The following SLC35E2B variants were observed in gnomAD, a reference collection of about 807,000 sequenced individuals.
The protein encoded by SLC35E2B is solute carrier family 35 member E2B, also known as solute carrier family 35, member E2B.
In SLC35E2B, 18 loss-of-function variants were observed where a neutral mutation model predicts 32.4. The observed-to-expected ratio is 0.56, with a 90% CI of 0.38 to 0.82. The LOEUF (loss-of-function observed/expected upper bound fraction) is 0.82, where lower values mean the gene tolerates loss of function less well. Among genes scored for constraint, SLC35E2B ranks in the 40% least tolerant of loss-of-function variants. The pLI, the probability that SLC35E2B is intolerant of heterozygous loss-of-function variation, is 0.00. For synonymous variants in SLC35E2B, 132 were observed against 209.1 expected, an observed-to-expected ratio of 0.63 and a Z score of 3.18; for missense variants, 263 against 469.5, an observed-to-expected ratio of 0.56 and a Z score of 4.06.
chr1:1,679,273 AT>A (rs1483118248), intron 2 of SLC35E2B, among the ~76,000 whole-genome samples: 2 of 152,172 alleles, frequency 1.3e-5, no homozygotes, highest in African/African-American at 4.8e-5. Context: ...CAAACCTGGA[AT>A]TCAAAAGGCA....
intron 2 of SLC35E2B, among the ~76,000 whole-genome samples, chr1:1,685,331 T>G (rs940389180): frequency 2.0e-5 from 3 of 149,136 alleles, no homozygotes; most frequent in African/African-American, 7.4e-5. Context: ...GGGGGACTGC[T>G]TGAGTCTGGG....
At chr1:1,675,806 AC>A (rs1283504288) in intron 4 of SLC35E2B, among the ~76,000 whole-genome samples, 1 of 35,660 alleles carries the variant, frequency 2.8e-5, no homozygotes, top group Non-Finnish European at 7.1e-5. Context: ...GACTTCTGCC[AC>A]CCCTTGAAAA....
chr1:1,677,926 T>C (rs766138226), intron 2 of SLC35E2B, among the ~76,000 whole-genome samples: 2 of 151,734 alleles, frequency 1.3e-5, no homozygotes, highest in Non-Finnish European at 2.9e-5. Flanking sequence ...AGCTGGGGCT[T>C]TGCACAGACG....
At chr1:1,674,952 G>C (rs1206250065) in intron 5 of SLC35E2B, among the ~76,000 whole-genome samples, 1 of 152,098 alleles carries the variant, frequency 6.6e-6, no homozygotes, top group Non-Finnish European at 1.5e-5. Context: ...GCTGGAAATC[G>C]CCTGTGAGTC....
chr1:1,665,199 T>C lies in SLC35E2B; in HGVS notation c.*583A>G, dbSNP rs541983630. On this transcript the variant is annotated 3_prime_UTR_variant, in exon 10 of 10. Coordinates refer to ENST00000617444, the MANE Select transcript of SLC35E2B (RefSeq NM_001290264.2). ...CAATGCTGCAGCTTGAGGCTTGCGA[T>C]GCCTCTGGGATAGTCTGAGGATGCC... is the stretch of plus-strand genomic sequence containing the variant. 1.3e-4 allele frequency: 23 copies of C among 179,230 alleles called. No homozygotes were observed. In the Admixed American group the frequency reaches 1.4e-3, roughly 11 times the overall value. 11.1% of individuals were successfully genotyped at this position (179,230 alleles called of 1,614,324 possible).
chr1:1,666,934 G>GT (rs1384860755), intron 9 of SLC35E2B, among the ~76,000 whole-genome samples: 2 of 150,802 alleles, frequency 1.3e-5, no homozygotes, highest in African/African-American at 4.9e-5. Context: ...GGTGAACCCC[G>GT]TCTCCACTAA....
At chr1:1,679,023 C>T (rs906031547) in intron 2 of SLC35E2B, among the ~76,000 whole-genome samples, 3 of 152,188 alleles carry the variant, frequency 2.0e-5, no homozygotes, top group Non-Finnish European at 2.9e-5. Flanking sequence ...ATCTCACTCC[C>T]CACCTCACTA....
rs1047192395 is a variant in SLC35E2B, at chr1:1,688,641, G to A, written c.-148+2335C>T. ...TAGAAACAAGAGGCTATGTAGTCTC[G>A]AGATAGATCCAGCCCTATGAGGCAC... is the stretch of plus-strand genomic sequence containing the variant. On this transcript the variant is annotated intron_variant, in intron 2 of 9. Coordinates refer to ENST00000617444, the MANE Select transcript of SLC35E2B (RefSeq NM_001290264.2). Among the ~76,000 whole-genome samples the A allele has an allele frequency of 4.0e-5, 6 of 150,970 alleles. No individual in the cohort carries two copies. The South Asian group carries it at 6.3e-4, about 16-fold the overall frequency.
intron 5 of SLC35E2B, among the ~76,000 whole-genome samples, chr1:1,675,145 G>A (rs902393960): frequency 6.7e-5 from 10 of 149,170 alleles, no homozygotes; most frequent in African/African-American, 1.2e-4. Context: ...CGTCCTCTTC[G>A]GATCAGTGAT....
Position 1,665,553 on chromosome 1 carries a change from G to T in SLC35E2B, c.*229C>A. Reference sequence around the variant, plus strand: ...TTTCACATTACACGGGGATGGGCTCGGCGGACACAGTCAGCTACTGGTCTG... The same window carrying T: ...TTTCACATTACACGGGGATGGGCTCTGCGGACACAGTCAGCTACTGGTCTG... On this transcript the variant is annotated 3_prime_UTR_variant, in exon 10 of 10. Coordinates refer to ENST00000617444, the MANE Select transcript of SLC35E2B (RefSeq NM_001290264.2). 1 of 660,282 alleles carries T rather than the reference G, an allele frequency of 1.5e-6. No individual in the cohort carries two copies. The highest frequency in any genetic ancestry group is 2.5e-6 in the Non-Finnish European group (1 of 396,648). 40.9% of individuals were successfully genotyped at this position (660,282 alleles called of 1,614,324 possible). A position where few individuals can be genotyped will look rare whatever the true frequency, so the allele number is the denominator to read the frequency against.
chr1:1,692,564 G>A lies in SLC35E2B; in HGVS notation c.-681C>T. 1.0e-6 allele frequency: 1 copy of A among 985,836 alleles called. No homozygotes were observed. Among genetic ancestry groups the A allele is most frequent in the Non-Finnish European group, 1.2e-6 (1 of 830,438 alleles). The allele number at this position is 985,836 out of a possible 1,614,324, so 61.1% of individuals were successfully genotyped here. A position where few individuals can be genotyped will look rare whatever the true frequency, so the allele number is the denominator to read the frequency against. On this transcript the variant is annotated 5_prime_UTR_variant, in exon 1 of 10. Transcript: ENST00000617444. ...CGCGCGGTGGAGGGGCCGGGCGCGA[G>A]GCCGCGGAGACAGCTCGGAGCTCGG...
chr1:1,673,563 A>G (rs1415874345), intron 5 of SLC35E2B, among the ~76,000 whole-genome samples: 2 of 151,994 alleles, frequency 1.3e-5, no homozygotes, highest in African/African-American at 4.8e-5. Context: ...AGCTACTCAG[A>G]GGAGGCCGAA....
At position 1,671,589 on chromosome 1, in the gene SLC35E2B, C is replaced by G; in HGVS notation, c.627G>C (p.Gly209=). The stretch of plus-strand genomic sequence containing the variant: ...TCTCAGTGGCCGTGCACAGCGCCAG[C>G]CCGCCCATGACTGGGATGAGGGAGA... ...VNLSLIPVMG[G]LALCTATEIS... Residue 209 remains glycine (G), a synonymous_variant, in exon 6 of 10, where the codon GGG becomes GGC. Coordinates refer to ENST00000617444, the MANE Select transcript of SLC35E2B (RefSeq NM_001290264.2). 6.5e-7 allele frequency: 1 copy of G among 1,548,970 alleles called. No individual in the cohort carries two copies. Among genetic ancestry groups the G allele is most frequent in the Non-Finnish European group, 8.7e-7 (1 of 1,145,856 alleles).
At chr1:1,674,606 GA>G (rs1258108758) in intron 5 of SLC35E2B, among the ~76,000 whole-genome samples, 1 of 142,268 alleles carries the variant, frequency 7.0e-6, no homozygotes, top group Non-Finnish European at 1.5e-5. Flanking sequence ...GACAGAGCAA[GA>G]CCCTGTCTCA....
At chr1:1,689,357 G>C (rs528451769) in intron 2 of SLC35E2B, among the ~76,000 whole-genome samples, 1 of 151,786 alleles carries the variant, frequency 6.6e-6, no homozygotes, top group Non-Finnish European at 1.5e-5. Context: ...ACACAGCCCT[G>C]ACTGTGCTGC....
Position 1,665,640 on chromosome 1 carries a change from G to A in SLC35E2B, c.*142C>T, listed in dbSNP as rs74047818. On this transcript the variant is annotated 3_prime_UTR_variant, in exon 10 of 10. Coordinates refer to ENST00000617444, the MANE Select transcript of SLC35E2B (RefSeq NM_001290264.2). ...GTTTGAGTTTCTGCTGGTCTTCACC[G>A]ACAAACCGAGAAAGCCGCAGGCAAT... The A allele has an allele frequency of 4.0e-4, 542 of 1,339,192 alleles. 5 individuals are homozygous for A. The African/African-American group carries it at 7.1e-3, about 17-fold the overall frequency. The allele number at this position is 1,339,192 out of a possible 1,614,324, so 83.0% of individuals were successfully genotyped here.
intron 2 of SLC35E2B, among the ~76,000 whole-genome samples, chr1:1,677,708 G>A (rs1469087830): frequency 6.6e-6 from 1 of 150,762 alleles, no homozygotes; most frequent in Non-Finnish European, 1.5e-5. Context: ...GGATGGTCTC[G>A]ATCTCCTGAC....
chr1:1,666,136 C>G (rs1643539638), intron 9 of SLC35E2B, 117 bp from the exon 10 acceptor site: 1 of 1,234,166 alleles, frequency 8.1e-7, no homozygotes, highest in South Asian at 1.5e-5. Flanking sequence ...GACTCAGCGT[C>G]ACGGTGACAT....
At chr1:1,674,052 G>C (rs1341697116) in intron 5 of SLC35E2B, 1 of 183,908 alleles carries the variant, frequency 5.4e-6, no homozygotes, top group Non-Finnish European at 1.3e-5. Context: ...GAACATCCAA[G>C]TCTGGCTAGT....
Sources: gnomAD v4.1 joint callset for allele counts (sites outside exome capture counted in the v4.1 genomes callset) on GRCh38, gnomAD v4.1.1 for gene constraint, MANE v1.5 for transcripts, NCBI Gene and HGNC (gene_info 2026-07-23, HGNC 2026-07-21) for gene names.